Variants in FAM110B observed in about 807,000 individuals in gnomAD.
The protein encoded by FAM110B is family with sequence similarity 110 member B.
FAM110B carries 6 observed loss-of-function variants against 20.4 expected under a neutral mutation model. The ratio of observed to expected loss-of-function variants is 0.29; its 90% CI spans 0.16 to 0.58. The LOEUF is 0.58. Among genes scored for constraint, FAM110B ranks in the 20% least tolerant of loss-of-function variants. The pLI is 0.90. For missense variants in FAM110B, 434 were observed against 498.2 expected (o/e 0.87, Z 1.23); for synonymous variants, 226 against 214.1 (o/e 1.06, Z -0.49).
At chr8:58,039,378 C>T (rs112737680) in intron 2 of FAM110B, among the ~76,000 whole-genome samples, 2 of 152,318 alleles carry the variant, frequency 1.3e-5, no homozygotes, top group African/African-American at 4.8e-5. Flanking sequence ...CGAGTCCACC[C>T]TGGAGCACCA....
Position 58,124,476 on chromosome 8 carries a change from C to T in FAM110B, c.-324-21431C>T, listed in dbSNP as rs1261340163. On this transcript the variant is annotated intron_variant, in intron 3 of 3. Coordinates refer to ENST00000519262, the MANE Select transcript of FAM110B (RefSeq NM_001377989.1). ...GGGATTTCATGTTACGCTGCACAGG[C>T]AACCTTTTTCACTTGAGCTTTTCAT... 2.6e-5 allele frequency among the ~76,000 whole-genome samples: 4 copies of T among 152,350 alleles called. 1 individual carries two copies. In the South Asian group the frequency reaches 6.2e-4, roughly 24 times the overall value.
intron 3 of FAM110B, among the ~76,000 whole-genome samples, chr8:58,112,899 A>C (rs1257624063): frequency 6.6e-6 from 1 of 152,196 alleles, no homozygotes; most frequent in Non-Finnish European, 1.5e-5. Flanking sequence ...GAGTAGCTTA[A>C]ACTACAGACA....
intron 1 of FAM110B, among the ~76,000 whole-genome samples, chr8:58,013,902 CAGA>C (rs1236171852): frequency 1.3e-5 from 2 of 152,150 alleles, no homozygotes; most frequent in African/African-American, 2.4e-5. Context: ...ACGCAGAGTA[CAGA>C]AGGAGTAAGG....
At chr8:58,123,760 C>A (rs950768773) in intron 3 of FAM110B, among the ~76,000 whole-genome samples, 45 of 152,134 alleles carry the variant, frequency 3.0e-4, no homozygotes, top group African/African-American at 1.0e-3. Context: ...AAATACTCAT[C>A]GAGAAAAAAA....
intron 3 of FAM110B, among the ~76,000 whole-genome samples, chr8:58,143,368 G>A (rs1803783302): frequency 6.6e-6 from 1 of 152,290 alleles, no homozygotes; most frequent in Non-Finnish European, 1.5e-5. Context: ...CCATGGTCAT[G>A]TCAAAACATC....
intron 1 of FAM110B, among the ~76,000 whole-genome samples, chr8:58,019,477 C>T (rs1260653631): frequency 2.6e-5 from 4 of 151,538 alleles, no homozygotes; most frequent in African/African-American, 9.7e-5. Flanking sequence ...AAATTTTTTC[C>T]ATTTGGTATT....
intron 2 of FAM110B, among the ~76,000 whole-genome samples, chr8:58,064,688 C>T (rs1177887409): frequency 6.6e-6 from 1 of 152,168 alleles, no homozygotes; most frequent in East Asian, 1.9e-4. Context: ...GTGCTAGGCA[C>T]TCCCTAAATG....
intron 2 of FAM110B, among the ~76,000 whole-genome samples, chr8:58,068,452 A>G (rs1805820392): frequency 6.6e-6 from 1 of 152,212 alleles, no homozygotes; most frequent in African/African-American, 2.4e-5. Flanking sequence ...TTGTTTCCCA[A>G]CAGTTTGTGG....
intron 3 of FAM110B, among the ~76,000 whole-genome samples, chr8:58,130,170 T>C (rs1481218905): frequency 6.6e-6 from 1 of 152,226 alleles, no homozygotes; most frequent in Non-Finnish European, 1.5e-5. Context: ...CTAGCACTTC[T>C]TTAAAAACCA....
Position 58,146,882 on chromosome 8 carries a change from A to G in FAM110B, c.652A>G (p.Ser218Gly), listed in dbSNP as rs762536865. 1 of 1,614,154 alleles carries G rather than the reference A, an allele frequency of 6.2e-7. No individual in the cohort carries two copies. Among genetic ancestry groups the G allele is most frequent in the Admixed American group, 1.7e-5 (1 of 60,026 alleles). ...GAAGCCCCTCAAGGCCATCCCCTGC[A>G]GTAGCTCTGCCCCTCCCCTGCCTCC... ...SVKPLKAIPCSSSAPPLPPKP... is the reference protein window; with the variant it reads ...SVKPLKAIPCGSSAPPLPPKP... The change falls in exon 4 of 4, where the codon AGT becomes GGT. Residue 218 changes from serine (S) to glycine (G), a missense_variant. Physicochemically the swap from Ser to Gly is moderately conservative, Grantham distance 56 (BLOSUM62 0). Transcript: ENST00000519262.
chr8:57,995,528 C>T (rs1804167155), intron 1 of FAM110B, among the ~76,000 whole-genome samples: 1 of 152,164 alleles, frequency 6.6e-6, no homozygotes, highest in Non-Finnish European at 1.5e-5. Context: ...AAAGCCCATA[C>T]AGGCTGTGGG....
chr8:57,999,602 C>A (rs2150561260), intron 1 of FAM110B, among the ~76,000 whole-genome samples: 1 of 152,072 alleles, frequency 6.6e-6, no homozygotes, highest in Middle Eastern at 3.4e-3. Flanking sequence ...CTAAGTTCCT[C>A]TACTATGATG....
At position 58,146,021 on chromosome 8, in the gene FAM110B, A is replaced by G. The variant is rs988073027; in HGVS notation, c.-210A>G. 1 of 529,724 alleles carries G rather than the reference A, an allele frequency of 1.9e-6. No individual in the cohort carries two copies. The highest frequency in any genetic ancestry group is 3.6e-5 in the Admixed American group (1 of 28,088). 32.8% of individuals were successfully genotyped at this position (529,724 alleles called of 1,614,324 possible). A position where few individuals can be genotyped will look rare whatever the true frequency, so the allele number is the denominator to read the frequency against. The stretch of plus-strand genomic sequence containing the variant: ...TTGTGGCTTGTGGCCTTTTTGTGCA[A>G]GGGCCGCCTGGAAGGGGAGAAAAGT... On this transcript the variant is annotated 5_prime_UTR_variant, in exon 4 of 4. Coordinates refer to ENST00000519262, the MANE Select transcript of FAM110B (RefSeq NM_001377989.1).
chr8:58,104,575 G>A (rs1204223241), intron 3 of FAM110B, among the ~76,000 whole-genome samples: 2 of 152,164 alleles, frequency 1.3e-5, no homozygotes, highest in Non-Finnish European at 2.9e-5. Context: ...ATGTTATTAA[G>A]ACAGTACTTA....
Position 58,058,698 on chromosome 8 carries a change from A to G in FAM110B, c.-413-16837A>G, listed in dbSNP as rs1805596909. 2.0e-5 allele frequency among the ~76,000 whole-genome samples: 3 copies of G among 152,180 alleles called. No homozygotes were observed. In the South Asian group the frequency reaches 6.2e-4, roughly 31 times the overall value. ...GCATGATATGCTACATTTAAATAAG[A>G]CATTGAAAGGTTCAGTGGAATTTAA... On this transcript the variant is annotated intron_variant, in intron 2 of 3. Coordinates refer to ENST00000519262, the MANE Select transcript of FAM110B (RefSeq NM_001377989.1).
intron 2 of FAM110B, among the ~76,000 whole-genome samples, chr8:58,072,819 T>A (rs1805936313): frequency 6.6e-6 from 1 of 152,220 alleles, no homozygotes; most frequent in East Asian, 1.9e-4. Flanking sequence ...GTTTAAAAAC[T>A]GAAGTCATTC....
At chr8:58,060,823 G>T (rs1299140602) in intron 2 of FAM110B, among the ~76,000 whole-genome samples, 1 of 151,946 alleles carries the variant, frequency 6.6e-6, no homozygotes, top group Non-Finnish European at 1.5e-5. Flanking sequence ...ACCAGTGCAG[G>T]GCCCTGGCTC....
chr8:58,052,179 A>G (rs139227643), intron 2 of FAM110B, among the ~76,000 whole-genome samples: 53 of 152,212 alleles, frequency 3.5e-4, no homozygotes, highest in African/African-American at 9.7e-4. Context: ...CAAATACTCA[A>G]TGTGGACTTC....
intron 3 of FAM110B, among the ~76,000 whole-genome samples, chr8:58,145,341 A>G (rs1447869609): frequency 6.7e-6 from 1 of 149,290 alleles, no homozygotes; most frequent in Non-Finnish European, 1.5e-5. Context: ...TAAACTTTGT[A>G]GCTTTGCTGC....
Sources: allele counts gnomAD v4.1 joint callset (sites outside exome capture counted in the v4.1 genomes callset), GRCh38; gene constraint gnomAD v4.1.1; transcripts MANE v1.5; gene names NCBI Gene and HGNC (gene_info 2026-07-23, HGNC 2026-07-21).